HS3ST2: variants seen among roughly 807,000 people sequenced by gnomAD.
HS3ST2 encodes the protein heparan sulfate glucosamine 3-O-sulfotransferase 2.
A neutral mutation model predicts 26.3 loss-of-function variants in HS3ST2; 17 were observed. That is an observed-to-expected ratio of 0.65 (90% confidence interval 0.44 to 0.97). The LOEUF (loss-of-function observed/expected upper bound fraction) is 0.97, where lower values mean the gene tolerates loss of function less well. Among genes scored for constraint, HS3ST2 ranks in the 50% least tolerant of loss-of-function variants. The probability of loss-of-function intolerance (pLI) is 0.00; values close to 1 mark genes in which losing one functional copy is unlikely to be tolerated. For synonymous variants in HS3ST2, 237 were observed against 219.2 expected (o/e 1.08, Z -0.72); for missense variants, 402 against 501.2 (o/e 0.80, Z 1.89).
At chr16:22,831,706 G>A (rs1901172888) in intron 1 of HS3ST2, among the ~76,000 whole-genome samples, 1 of 152,066 alleles carries the variant, frequency 6.6e-6, no homozygotes, top group South Asian at 2.1e-4. Flanking sequence ...GTGAAGAAAG[G>A]TTATGCACTG....
At chr16:22,913,945 T>A (rs1902457188) in intron 1 of HS3ST2, among the ~76,000 whole-genome samples, 1 of 152,088 alleles carries the variant, frequency 6.6e-6, no homozygotes, top group African/African-American at 2.4e-5. Flanking sequence ...AAGACCACCC[T>A]GGGCAACACA....
At chr16:22,908,441 C>T (rs542103193) in intron 1 of HS3ST2, among the ~76,000 whole-genome samples, 15 of 152,240 alleles carry the variant, frequency 9.9e-5, no homozygotes, top group African/African-American at 2.9e-4. Flanking sequence ...TTCTGTTGCT[C>T]ATAACAGATT....
chr16:22,915,591 C>T lies in HS3ST2; in HGVS notation c.*29C>T, dbSNP rs760380787. The T allele has an allele frequency of 1.9e-6, 3 of 1,588,804 alleles. No individual in the cohort carries two copies. The Admixed American group carries it at 5.3e-5, about 28-fold the overall frequency. On this transcript the variant is annotated 3_prime_UTR_variant, in exon 2 of 2. Transcript: ENST00000261374. ...CACGAAAGGAAAGGGCTCTCAAGGGCTCTTCTGCTCATCTCTTCCGTGAGA... is the reference window on the plus strand; with the variant it reads ...CACGAAAGGAAAGGGCTCTCAAGGGTTCTTCTGCTCATCTCTTCCGTGAGA...
chr16:22,868,971 G>A lies in HS3ST2; in HGVS notation c.486-45973G>A, dbSNP rs757350397. 1.3e-4 allele frequency among the ~76,000 whole-genome samples: 20 copies of A among 152,048 alleles called. 1 individual carries two copies. The highest frequency in any genetic ancestry group is 2.4e-4 in the Non-Finnish European group (16 of 67,988). On this transcript the variant is annotated intron_variant, in intron 1 of 1. Coordinates refer to ENST00000261374, the MANE Select transcript of HS3ST2 (RefSeq NM_006043.2). ...CTGGTAGAGTCTACAGGGGAATCAC[G>A]TGTAAATGCTGTCCCTTGCTGATTT...
intron 1 of HS3ST2, among the ~76,000 whole-genome samples, chr16:22,895,949 G>A (rs139386458): frequency 3.3e-5 from 5 of 151,440 alleles, no homozygotes; most frequent in Admixed American, 3.3e-4. Context: ...TGTTAATGTG[G>A]ATTTGATGTA....
intron 1 of HS3ST2, among the ~76,000 whole-genome samples, chr16:22,893,650 A>ATTTTTTTTTTTTTTTTTTTTTT (rs1902163156): frequency 1.8e-5 from 1 of 56,178 alleles, no homozygotes; most frequent in African/African-American, 6.8e-5. Context: ...TTTTTTTTTT[A>ATTTTTTTTTTTTTTTTTTTTTT]AATTTTTTGT....
At chr16:22,845,690 A>G (rs1028514017) in intron 1 of HS3ST2, among the ~76,000 whole-genome samples, 36 of 152,280 alleles carry the variant, frequency 2.4e-4, no homozygotes, top group Non-Finnish European at 5.0e-4. Context: ...TGATACAAAA[A>G]TCCATGTTAG....
In HS3ST2 at chr16:22,915,629, C is replaced by T; in HGVS notation, c.*67C>T. The T allele has an allele frequency of 6.6e-7, 1 of 1,504,366 alleles. No homozygotes were observed. The highest frequency in any genetic ancestry group is 9.0e-7 in the Non-Finnish European group (1 of 1,114,126). The allele number at this position is 1,504,366 out of a possible 1,614,324, so 93.2% of individuals were successfully genotyped here. ...CTCTTCCGTGAGATTTGCTCCCAGA[C>T]CCTCTGATCTCCCTCCAACAAACCC... On this transcript the variant is annotated 3_prime_UTR_variant, in exon 2 of 2. Transcript: ENST00000261374.
chr16:22,842,124 C>T (rs1901368361), intron 1 of HS3ST2, among the ~76,000 whole-genome samples: 1 of 136,354 alleles, frequency 7.3e-6, no homozygotes, highest in African/African-American at 2.8e-5. Context: ...TGCAGTGGTA[C>T]AATCCTGGCT....
chr16:22,903,655 C>G (rs929093289), intron 1 of HS3ST2, among the ~76,000 whole-genome samples: 2 of 152,148 alleles, frequency 1.3e-5, no homozygotes, highest in Non-Finnish European at 2.9e-5. Flanking sequence ...ACCAGGGGTA[C>G]AAAGATAAGC....
intron 1 of HS3ST2, among the ~76,000 whole-genome samples, chr16:22,824,325 G>T (rs367580): frequency 0.14 from 21,605 of 152,130 alleles, 1,673 homozygotes; most frequent in East Asian, 0.22. Flanking sequence ...GAGGCAGGTG[G>T]ATCACGAGGT....
intron 1 of HS3ST2, among the ~76,000 whole-genome samples, chr16:22,869,175 CCTGA>C (rs978283173): frequency 2.0e-5 from 3 of 152,054 alleles, no homozygotes; most frequent in African/African-American, 7.2e-5. Flanking sequence ...CAGAGCTGAT[CCTGA>C]CTCTCTTCCT....
At chr16:22,884,943 C>T (rs183195962) in intron 1 of HS3ST2, among the ~76,000 whole-genome samples, 15 of 151,374 alleles carry the variant, frequency 9.9e-5, no homozygotes, top group Non-Finnish European at 1.6e-4. Flanking sequence ...CCAATTCAAG[C>T]GATTCTCATG....
chr16:22,866,930 T>C (rs1428441343), intron 1 of HS3ST2, among the ~76,000 whole-genome samples: 1 of 152,204 alleles, frequency 6.6e-6, no homozygotes, highest in African/African-American at 2.4e-5. Flanking sequence ...AATTAATCTA[T>C]TCATTTTATT....
intron 1 of HS3ST2, among the ~76,000 whole-genome samples, chr16:22,872,535 T>C (rs1454516736): frequency 6.6e-6 from 1 of 152,182 alleles, no homozygotes; most frequent in African/African-American, 2.4e-5. Flanking sequence ...GGACCTGTAT[T>C]CCTGCTTGTT....
chr16:22,855,502 C>T (rs1052504268), intron 1 of HS3ST2, among the ~76,000 whole-genome samples: 2 of 152,190 alleles, frequency 1.3e-5, no homozygotes, highest in African/African-American at 2.4e-5. Context: ...TGGGAAATTT[C>T]CCCTGTCCAG....
At chr16:22,864,533 G>A (rs1475740771) in intron 1 of HS3ST2, among the ~76,000 whole-genome samples, 1 of 152,206 alleles carries the variant, frequency 6.6e-6, no homozygotes, top group African/African-American at 2.4e-5. Flanking sequence ...CAGATCAAGA[G>A]GGCTGGGTTA....
At chr16:22,888,916 T>C (rs181034928) in intron 1 of HS3ST2, among the ~76,000 whole-genome samples, 3 of 152,368 alleles carry the variant, frequency 2.0e-5, no homozygotes, top group Admixed American at 1.3e-4. Context: ...AGCATTTCTC[T>C]TTGTTTTGTA....
chr16:22,853,245 G>T (rs1901542518), intron 1 of HS3ST2, among the ~76,000 whole-genome samples: 1 of 152,106 alleles, frequency 6.6e-6, no homozygotes, highest in Non-Finnish European at 1.5e-5. Context: ...TATCACCAAA[G>T]ATTAATTTTG....
Sources: gnomAD v4.1 joint callset for allele counts (sites outside exome capture counted in the v4.1 genomes callset) on GRCh38, gnomAD v4.1.1 for gene constraint, MANE v1.5 for transcripts, NCBI Gene and HGNC (gene_info 2026-07-23, HGNC 2026-07-21) for gene names.